Variants in CALCR observed in about 807,000 individuals in gnomAD.
CALCR encodes calcitonin receptor.
A neutral mutation model predicts 59.5 loss-of-function variants in CALCR; 47 were observed. The observed-to-expected ratio is 0.79, with a 90% CI of 0.63 to 1.01. CALCR has a LOEUF of 1.01. Among genes scored for constraint, CALCR ranks in the 50% least tolerant of loss-of-function variants. CALCR has a pLI of 0.00. For synonymous variants in CALCR, 213 were observed against 211.3 expected, an observed-to-expected ratio of 1.01 and a Z score of -0.07; for missense variants, 566 against 597.1, an observed-to-expected ratio of 0.95 and a Z score of 0.54.
intron 8 of CALCR, among the ~76,000 whole-genome samples, chr7:93,460,572 A>AAATATATAT (rs1554397787): frequency 1.2e-3 from 77 of 66,500 alleles, no homozygotes; most frequent in African/African-American, 7.5e-3. Context: ...AAAAAAAAAA[A>AAATATATAT]ATATATATAT....
intron 2 of CALCR, among the ~76,000 whole-genome samples, chr7:93,488,601 AG>A (rs1444701851): frequency 6.8e-6 from 1 of 147,536 alleles, no homozygotes; most frequent in Non-Finnish European, 1.5e-5. Flanking sequence ...AAAAAAAAAA[AG>A]CATGGGTTGC....
intron 2 of CALCR, among the ~76,000 whole-genome samples, chr7:93,555,219 C>T (rs1789566166): frequency 6.6e-6 from 1 of 152,034 alleles, no homozygotes. Context: ...TGGAGAACTC[C>T]TCGGATGAAT....
At chr7:93,469,438 T>G (rs968560121) in intron 6 of CALCR, among the ~76,000 whole-genome samples, 1 of 151,716 alleles carries the variant, frequency 6.6e-6, no homozygotes, top group Non-Finnish European at 1.5e-5. Flanking sequence ...TCTTTTTTCC[T>G]AGTAATCACA....
intron 2 of CALCR, among the ~76,000 whole-genome samples, chr7:93,522,996 A>G (rs1046669882): frequency 5.3e-5 from 8 of 152,180 alleles, no homozygotes; most frequent in African/African-American, 1.9e-4. Flanking sequence ...TTCTACTACT[A>G]CATTATTAAA....
rs77445432 is a variant in CALCR, at chr7:93,562,871, A to G, written c.-27+11418T>C. ...TCTTTCTTTTATTATTTTTAAAATG[A>G]GCTGGAGCAATGAAAGGGAAAAAGC... is the stretch of plus-strand genomic sequence containing the variant. On this transcript the variant is annotated intron_variant, in intron 2 of 13. Transcript: ENST00000426151. Among the ~76,000 whole-genome samples the G allele has an allele frequency of 4.2e-3, 642 of 152,328 alleles. 3 individuals carry two copies. The highest frequency in any genetic ancestry group is 6.6e-3 in the Non-Finnish European group (451 of 68,030).
At chr7:93,483,931 C>A in intron 3 of CALCR, 1 of 484,330 alleles carries the variant, frequency 2.1e-6, no homozygotes, top group Non-Finnish European at 4.5e-6. Flanking sequence ...TAATTGTTGT[C>A]CCATGTAGCA....
chr7:93,481,834 C>T (rs1186766144), intron 3 of CALCR, among the ~76,000 whole-genome samples: 1 of 151,800 alleles, frequency 6.6e-6, no homozygotes, highest in Non-Finnish European at 1.5e-5. Context: ...CTGTGCAAAT[C>T]CTTTACCAGT....
chr7:93,533,462 A>G (rs761317428), intron 2 of CALCR, among the ~76,000 whole-genome samples: 8 of 151,986 alleles, frequency 5.3e-5, no homozygotes, highest in African/African-American at 7.2e-5. Flanking sequence ...CATACTTTCA[A>G]TGTAATTATC....
At chr7:93,492,518 A>G (rs1294633068) in intron 2 of CALCR, among the ~76,000 whole-genome samples, 3 of 151,392 alleles carry the variant, frequency 2.0e-5, no homozygotes, top group African/African-American at 7.3e-5. Context: ...ATCATTTTAT[A>G]TGTTGATCAT....
In CALCR at chr7:93,434,307, G is replaced by A. The variant is rs1799725224; in HGVS notation, c.1150-13C>T. ...CAACAAAGAAGCCCTAAAAAGGGAA[G>A]GAAAAATACAGTTGAAGTTATTTTT... On this transcript the variant is annotated splice_polypyrimidine_tract_variant and intron_variant, in intron 12 of 13. Coordinates refer to ENST00000426151, the MANE Select transcript of CALCR (RefSeq NM_001742.4). The A allele has an allele frequency of 1.3e-6, 2 of 1,599,352 alleles. No homozygotes were observed. Among genetic ancestry groups the A allele is most frequent in the African/African-American group, 2.7e-5 (2 of 74,430 alleles).
At position 93,464,195 on chromosome 7, in the gene CALCR, G is replaced by A. The variant is rs1274850098; in HGVS notation, c.522-3248C>T. Reference sequence around the variant, plus strand: ...TTGGGAGCTTGTAGTTGTATGAGACGGCATTTGATATTGGTCTTGAGTTTT... The same window carrying A: ...TTGGGAGCTTGTAGTTGTATGAGACAGCATTTGATATTGGTCTTGAGTTTT... On this transcript the variant is annotated intron_variant, in intron 7 of 13. Coordinates refer to ENST00000426151, the MANE Select transcript of CALCR (RefSeq NM_001742.4). Among the ~76,000 whole-genome samples, 9 of 151,894 alleles carry A rather than the reference G, an allele frequency of 5.9e-5. No homozygotes were observed. The East Asian group carries it at 9.7e-4, about 16-fold the overall frequency.
chr7:93,514,269 A>G (rs915866393), intron 2 of CALCR, among the ~76,000 whole-genome samples: 3 of 152,070 alleles, frequency 2.0e-5, no homozygotes, highest in African/African-American at 4.8e-5. Flanking sequence ...GCTATAGCAG[A>G]AAAGAAAAAA....
At chr7:93,511,754 G>A (rs1299568150) in intron 2 of CALCR, among the ~76,000 whole-genome samples, 1 of 152,168 alleles carries the variant, frequency 6.6e-6, no homozygotes, top group African/African-American at 2.4e-5. Flanking sequence ...GGCCATTGTG[G>A]ATGAAGTAGT....
intron 9 of CALCR, among the ~76,000 whole-genome samples, 182 bp downstream of exon 9, chr7:93,443,422 G>A (rs891204909): frequency 6.6e-6 from 1 of 152,038 alleles, no homozygotes; most frequent in Non-Finnish European, 1.5e-5. Context: ...CAGCACAGTT[G>A]AGATTGTTAA....
intron 4 of CALCR, 151 bp downstream of exon 4, chr7:93,479,203 T>G (rs1318351341): frequency 2.6e-6 from 2 of 771,404 alleles, no homozygotes; most frequent in Non-Finnish European, 4.1e-6. Context: ...GCATATGCAC[T>G]GCATGAAATA....
At chr7:93,565,825 A>G (rs1280705745) in intron 2 of CALCR, among the ~76,000 whole-genome samples, 1 of 152,210 alleles carries the variant, frequency 6.6e-6, no homozygotes, top group Non-Finnish European at 1.5e-5. Flanking sequence ...GTCCATAAAC[A>G]CCAATGTTTT....
intron 2 of CALCR, among the ~76,000 whole-genome samples, chr7:93,510,775 T>C (rs1801529360): frequency 6.6e-6 from 1 of 152,028 alleles, no homozygotes; most frequent in African/African-American, 2.4e-5. Flanking sequence ...GGCGGGAGGA[T>C]TGCTTGAGCC....
intron 2 of CALCR, among the ~76,000 whole-genome samples, chr7:93,564,973 G>A (rs537341081): frequency 3.9e-5 from 6 of 152,232 alleles, no homozygotes; most frequent in South Asian, 2.1e-4. Flanking sequence ...TGGTAGGTGC[G>A]GGACAAACTA....
At chr7:93,482,979 C>T (rs564307659) in intron 3 of CALCR, 12 of 452,490 alleles carry the variant, frequency 2.7e-5, no homozygotes, top group African/African-American at 1.8e-4. Flanking sequence ...GGCCTTCTTC[C>T]TAAAATAACA....
Sources: allele counts gnomAD v4.1 joint callset (sites outside exome capture counted in the v4.1 genomes callset), GRCh38; gene constraint gnomAD v4.1.1; transcripts MANE v1.5; gene names NCBI Gene and HGNC (gene_info 2026-07-23, HGNC 2026-07-21).